The following CNGB3 variants were observed in gnomAD, a reference collection of about 807,000 sequenced individuals.
CNGB3 encodes the protein cyclic nucleotide gated channel subunit beta 3, also known as cyclic nucleotide-gated channel beta-3.
In CNGB3, 86 loss-of-function variants were observed where a neutral mutation model predicts 92.8. The ratio of observed to expected loss-of-function variants is 0.93; its 90% CI spans 0.78 to 1.11. The LOEUF (loss-of-function observed/expected upper bound fraction) is 1.11. CNGB3 is among the 50% of genes least tolerant of loss of function. CNGB3 has a pLI of 0.00. For synonymous variants in CNGB3, 333 were observed against 332.7 expected (o/e 1.00, Z -0.01); for missense variants, 1,026 against 956.8 (o/e 1.07, Z -0.95).
chr8:86,580,608 T>A (rs61695468), intron 15 of CNGB3, among the ~76,000 whole-genome samples: 7,134 of 152,270 alleles, frequency 0.047, 561 homozygotes, highest in African/African-American at 0.16. Flanking sequence ...GGGCTTTATG[T>A]CTTGGAGGGA....
intron 13 of CNGB3, among the ~76,000 whole-genome samples, chr8:86,625,449 A>C (rs1027726461): frequency 1.3e-5 from 2 of 152,232 alleles, no homozygotes; most frequent in Non-Finnish European, 2.9e-5. Flanking sequence ...GCACAAAAAG[A>C]GTAGTAATAC....
At chr8:86,669,730 T>C (rs1823818529) in intron 4 of CNGB3, among the ~76,000 whole-genome samples, 1 of 152,248 alleles carries the variant, frequency 6.6e-6, no homozygotes, top group African/African-American at 2.4e-5. Context: ...TCCCATGTAA[T>C]TATCAACTTG....
At chr8:86,670,922 A>G in intron 4 of CNGB3, 22 bp downstream of exon 4, 1 of 1,611,896 alleles carries the variant, frequency 6.2e-7, no homozygotes, top group Middle Eastern at 2.2e-4. Context: ...TCTTCCCAGT[A>G]CTTGGAGGGA....
intron 11 of CNGB3, among the ~76,000 whole-genome samples, chr8:86,632,035 G>C (rs1458219965): frequency 1.3e-5 from 2 of 151,614 alleles, no homozygotes; most frequent in African/African-American, 4.8e-5. Context: ...CTATCCACCT[G>C]TCCTACAAAA....
intron 6 of CNGB3, chr8:86,658,815 AC>A (rs1823571624): frequency 1.8e-5 from 10 of 566,720 alleles, no homozygotes; most frequent in Non-Finnish European, 9.5e-6. Flanking sequence ...ATTCTGGAAG[AC>A]TGCATGACTG....
At chr8:86,657,893 C>T (rs773333919) in intron 6 of CNGB3, 29 of 544,408 alleles carry the variant, frequency 5.3e-5, no homozygotes, top group Middle Eastern at 3.1e-4. Context: ...AGGGTTCAGA[C>T]GCTGGGACCC....
At chr8:86,663,983 A>G (rs1252837862) in intron 6 of CNGB3, among the ~76,000 whole-genome samples, 1 of 152,292 alleles carries the variant, frequency 6.6e-6, no homozygotes, top group South Asian at 2.1e-4. Flanking sequence ...TTTGTCAAAC[A>G]TTGATTTTCT....
At chr8:86,673,168 AC>A (rs899112500) in intron 3 of CNGB3, among the ~76,000 whole-genome samples, 4 of 152,250 alleles carry the variant, frequency 2.6e-5, no homozygotes, top group Admixed American at 2.0e-4. Flanking sequence ...AATGGGGGAA[AC>A]AAGGATGTCA....
chr8:86,716,245 G>T (rs951133501), intron 3 of CNGB3, among the ~76,000 whole-genome samples: 12 of 152,090 alleles, frequency 7.9e-5, no homozygotes, highest in Admixed American at 2.0e-4. Flanking sequence ...CCAAACCAAA[G>T]AATAATTGGT....
At chr8:86,602,489 C>T (rs1822325653) in intron 15 of CNGB3, among the ~76,000 whole-genome samples, 1 of 152,124 alleles carries the variant, frequency 6.6e-6, no homozygotes, top group Non-Finnish European at 1.5e-5. Flanking sequence ...TCTTCTGTGA[C>T]GTGGTATAAA....
intron 1 of CNGB3, among the ~76,000 whole-genome samples, chr8:86,740,632 C>G (rs1825324697): frequency 6.6e-6 from 1 of 152,122 alleles, no homozygotes. Flanking sequence ...CAGAAGGACA[C>G]TGAGAGTCTT....
intron 3 of CNGB3, among the ~76,000 whole-genome samples, chr8:86,692,026 G>T (rs1038763634): frequency 1.3e-5 from 2 of 152,082 alleles, no homozygotes; most frequent in East Asian, 3.9e-4. Context: ...TCATGTATTT[G>T]CATGGCTTCG....
chr8:86,679,003 A>G (rs1368410897), intron 3 of CNGB3, among the ~76,000 whole-genome samples: 1 of 152,158 alleles, frequency 6.6e-6, no homozygotes, highest in Non-Finnish European at 1.5e-5. Context: ...ATTAACAAGT[A>G]GGGTGACCCT....
chr8:86,591,942 G>C (rs1228934321), intron 15 of CNGB3, among the ~76,000 whole-genome samples: 1 of 152,154 alleles, frequency 6.6e-6, no homozygotes, highest in Non-Finnish European at 1.5e-5. Context: ...CCCCAGCCTC[G>C]CTGCCACCTT....
At chr8:86,584,993 G>C (rs186876249) in intron 15 of CNGB3, among the ~76,000 whole-genome samples, 32 of 152,246 alleles carry the variant, frequency 2.1e-4, no homozygotes, top group African/African-American at 7.7e-4. Flanking sequence ...CTGTGTTTCT[G>C]AACAGATTAC....
At chr8:86,694,069 CGG>C (rs71275873) in intron 3 of CNGB3, among the ~76,000 whole-genome samples, 1 of 95,326 alleles carries the variant, frequency 1.0e-5, no homozygotes. Flanking sequence ...GCTGGCCGGG[CGG>C]GGGGGCTGAC....
In CNGB3 at chr8:86,632,818, A is replaced by C. The variant is rs767000862; in HGVS notation, c.1254T>G (p.Phe418Leu). 2 of 1,613,038 alleles carry C rather than the reference A, an allele frequency of 1.2e-6. No individual in the cohort carries two copies. Among genetic ancestry groups the C allele is most frequent in the Non-Finnish European group, 1.7e-6 (2 of 1,179,842 alleles). The stretch of plus-strand genomic sequence containing the variant: ...AATTCAAGAGTTGAAAAACAATTTC[A>C]AATAAAGTTTGTGGTTCTGGAAGGC... ...IGGLPEPQTLFEIVFQLLNFF... is the reference protein window; with the variant it reads ...IGGLPEPQTLLEIVFQLLNFF... The change falls in exon 11 of 18, where the codon TTT (phenylalanine) becomes TTG (leucine). Residue 418 changes from phenylalanine (F) to leucine (L), a missense_variant. Physicochemically the swap from Phe to Leu is conservative, Grantham distance 22 (BLOSUM62 0). Transcript: ENST00000320005.
chr8:86,738,537 A>C (rs1018408635), intron 2 of CNGB3, among the ~76,000 whole-genome samples: 2 of 152,162 alleles, frequency 1.3e-5, no homozygotes, highest in East Asian at 1.9e-4. Context: ...GGTATTGCTG[A>C]GATCGGAAAG....
At position 86,659,713 on chromosome 8, in the gene CNGB3, T is replaced by C; in HGVS notation, c.853-5651A>G. 6 of 382,930 alleles carry C rather than the reference T, an allele frequency of 1.6e-5. No homozygotes were observed. In the East Asian group the frequency reaches 3.3e-4, roughly 21 times the overall value. The allele number at this position is 382,930 out of a possible 1,614,324, so 23.7% of individuals were successfully genotyped here. A position where few individuals can be genotyped will look rare whatever the true frequency, so the allele number is the denominator to read the frequency against. On this transcript the variant is annotated intron_variant, in intron 6 of 17. Coordinates refer to ENST00000320005, the MANE Select transcript of CNGB3 (RefSeq NM_019098.5). ...AGTGTAATACAGAGCTGTCCATAAC[T>C]CTGCCTTCTCGGACATGAGGATCCC...
Sources: allele counts gnomAD v4.1 joint callset (sites outside exome capture counted in the v4.1 genomes callset), GRCh38; gene constraint gnomAD v4.1.1; transcripts MANE v1.5; gene names NCBI Gene and HGNC (gene_info 2026-07-23, HGNC 2026-07-21).